The following SHROOM3 variants were observed in gnomAD, a reference collection of about 807,000 sequenced individuals.
SHROOM3 encodes the protein shroom family member 3, also known as protein Shroom3.
SHROOM3 carries 47 observed loss-of-function variants against 138.6 expected under a neutral mutation model. The observed-to-expected ratio is 0.34, with a 90% CI of 0.27 to 0.43. SHROOM3 has a LOEUF of 0.43. Among genes scored for constraint, SHROOM3 ranks in the 20% least tolerant of loss-of-function variants. The probability of loss-of-function intolerance (pLI) is 1.00; values close to 1 mark genes in which losing one functional copy is unlikely to be tolerated. For synonymous variants in SHROOM3, 1,062 were observed against 1,063.3 expected (o/e 1.00, Z 0.02); for missense variants, 2,491 against 2,596.5 (o/e 0.96, Z 0.88).
intron 2 of SHROOM3, among the ~76,000 whole-genome samples, chr4:76,668,483 G>A (rs1009736133): frequency 3.9e-5 from 6 of 152,164 alleles, no homozygotes; most frequent in Admixed American, 1.3e-4. Context: ...TGAGGTGGGA[G>A]AATTGCTTGA....
At chr4:76,668,029 G>A (rs1427665920) in intron 2 of SHROOM3, among the ~76,000 whole-genome samples, 3 of 149,500 alleles carry the variant, frequency 2.0e-5, no homozygotes, top group African/African-American at 7.4e-5. Context: ...CGGGGAGGGA[G>A]CACATAATGT....
chr4:76,534,478 G>A (rs1355022175), intron 1 of SHROOM3, among the ~76,000 whole-genome samples: 1 of 152,056 alleles, frequency 6.6e-6, no homozygotes, highest in South Asian at 2.1e-4. Context: ...TAGCACATCT[G>A]ATGCAAAGCA....
At chr4:76,675,930 A>C (rs1435246308) in intron 2 of SHROOM3, among the ~76,000 whole-genome samples, 2 of 152,194 alleles carry the variant, frequency 1.3e-5, no homozygotes, top group Non-Finnish European at 2.9e-5. Flanking sequence ...ATAGCAGAGA[A>C]GGCTGAGAGC....
At chr4:76,492,529 A>G (rs1731874686) in intron 1 of SHROOM3, among the ~76,000 whole-genome samples, 1 of 152,172 alleles carries the variant, frequency 6.6e-6, no homozygotes, top group Non-Finnish European at 1.5e-5. Context: ...CAACTTCACC[A>G]TCTGATTCCT....
At chr4:76,574,358 A>G (rs1407319955) in intron 2 of SHROOM3, among the ~76,000 whole-genome samples, 2 of 152,146 alleles carry the variant, frequency 1.3e-5, no homozygotes, top group Non-Finnish European at 2.9e-5. Context: ...TGGAAAATAC[A>G]AATTCCCAGG....
intron 1 of SHROOM3, among the ~76,000 whole-genome samples, chr4:76,538,607 G>A (rs751426173): frequency 4.6e-5 from 7 of 152,122 alleles, no homozygotes; most frequent in Non-Finnish European, 4.4e-5. Context: ...GTTCCAACTG[G>A]GTGTGGGTAG....
intron 1 of SHROOM3, among the ~76,000 whole-genome samples, 166 bp from the exon 2 acceptor site, chr4:76,555,443 C>T (rs1733463178): frequency 6.6e-6 from 1 of 152,216 alleles, no homozygotes; most frequent in Admixed American, 6.5e-5. Flanking sequence ...CACCCAGAGC[C>T]AGTCCCTGCG....
intron 2 of SHROOM3, among the ~76,000 whole-genome samples, chr4:76,700,699 G>C (rs973902005): frequency 6.6e-6 from 1 of 152,152 alleles, no homozygotes; most frequent in Non-Finnish European, 1.5e-5. Context: ...TGAATGAATG[G>C]ATGATTGGGC....
At chr4:76,675,558 G>C (rs1375946491) in intron 2 of SHROOM3, among the ~76,000 whole-genome samples, 1 of 152,058 alleles carries the variant, frequency 6.6e-6, no homozygotes, top group Non-Finnish European at 1.5e-5. Context: ...CAAAATCCTG[G>C]AGTATATTAT....
In SHROOM3 at chr4:76,782,234, C is replaced by G. The variant is rs1722751336; in HGVS notation, c.*3057C>G. 1 of 152,204 alleles carries G rather than the reference C, an allele frequency of 6.6e-6. No individual in the cohort carries two copies. Among genetic ancestry groups the G allele is most frequent in the South Asian group, 2.1e-4 (1 of 4,822 alleles). 9.4% of individuals were successfully genotyped at this position (152,204 alleles called of 1,614,324 possible). ...CTATGAGACCAGATGCTGTCGAAAC[C>G]AAACATCTTTTCCTTTGCTCTATGG... On this transcript the variant is annotated 3_prime_UTR_variant, in exon 11 of 11. Coordinates refer to ENST00000296043, the MANE Select transcript of SHROOM3 (RefSeq NM_020859.4).
intron 4 of SHROOM3, among the ~76,000 whole-genome samples, chr4:76,736,721 A>G (rs894152559): frequency 3.3e-5 from 5 of 152,180 alleles, no homozygotes; most frequent in African/African-American, 1.2e-4. Flanking sequence ...TTATTCCTTC[A>G]TATATGCCCT....
chr4:76,766,974 T>C (rs1329850810), intron 9 of SHROOM3, among the ~76,000 whole-genome samples: 1 of 152,156 alleles, frequency 6.6e-6, no homozygotes, highest in Non-Finnish European at 1.5e-5. Context: ...TTCTATACAT[T>C]TTCATCTCAT....
At chr4:76,732,463 T>G (rs912187626) in intron 4 of SHROOM3, among the ~76,000 whole-genome samples, 2 of 152,164 alleles carry the variant, frequency 1.3e-5, no homozygotes, top group Non-Finnish European at 2.9e-5. Context: ...TCTCAGCATA[T>G]CAGGGTAGGA....
At position 76,628,917 on chromosome 4, in the gene SHROOM3, C is replaced by G. The variant is rs934513420; in HGVS notation, c.323+73154C>G. 2.6e-5 allele frequency: 4 copies of G among 152,038 alleles called. No homozygotes were observed. The South Asian group carries it at 8.3e-4, about 32-fold the overall frequency. 9.4% of individuals were successfully genotyped at this position (152,038 alleles called of 1,614,324 possible). A position where few individuals can be genotyped will look rare whatever the true frequency, so the allele number is the denominator to read the frequency against. ...ATGCAGTGGTGCGATCTTGACTCAC[C>G]GCAGCTTGGATCTCCTGGGCTCAAG... On this transcript the variant is annotated intron_variant, in intron 2 of 10. Coordinates refer to ENST00000296043, the MANE Select transcript of SHROOM3 (RefSeq NM_020859.4).
chr4:76,493,224 CAAAAAAA>C (rs35837765), intron 1 of SHROOM3, among the ~76,000 whole-genome samples: 8 of 56,524 alleles, frequency 1.4e-4, no homozygotes, highest in Non-Finnish European at 1.9e-4. Context: ...AACTCCATCT[CAAAAAAA>C]AAAAAAAAAA....
intron 2 of SHROOM3, among the ~76,000 whole-genome samples, chr4:76,618,153 A>G (rs911380117): frequency 1.3e-5 from 2 of 152,168 alleles, no homozygotes; most frequent in African/African-American, 4.8e-5. Flanking sequence ...AAATTAAAAT[A>G]ATTAGCTGGG....
chr4:76,472,699 CTTT>C (rs11349509), intron 1 of SHROOM3, among the ~76,000 whole-genome samples: 1 of 147,352 alleles, frequency 6.8e-6, no homozygotes, highest in Non-Finnish European at 1.5e-5. Flanking sequence ...TTCTTTCTTT[CTTT>C]TTTTTTTTTG....
rs1284136092 is a variant in SHROOM3, at chr4:76,776,050, A to G, written c.5623-2759A>G. Among the ~76,000 whole-genome samples, 7 of 152,260 alleles carry G rather than the reference A, an allele frequency of 4.6e-5. No individual in the cohort carries two copies. In the East Asian group the frequency reaches 1.2e-3, roughly 25 times the overall value. On this transcript the variant is annotated intron_variant, in intron 10 of 10. Coordinates refer to ENST00000296043, the MANE Select transcript of SHROOM3 (RefSeq NM_020859.4). ...ACTTTTCATTCTTTAAGGAATCTCC[A>G]TACTGTTTTCCATAGTGGTTGTGCT...
chr4:76,495,942 A>G (rs567804447), intron 1 of SHROOM3, among the ~76,000 whole-genome samples: 23 of 152,226 alleles, frequency 1.5e-4, no homozygotes, highest in Non-Finnish European at 2.8e-4. Flanking sequence ...ACCAGGCACG[A>G]CAAGAAAGGA....
Sources: gnomAD v4.1 joint callset for allele counts (sites outside exome capture counted in the v4.1 genomes callset) on GRCh38, gnomAD v4.1.1 for gene constraint, MANE v1.5 for transcripts, NCBI Gene and HGNC (gene_info 2026-07-23, HGNC 2026-07-21) for gene names.